RBFOX1: variants seen among roughly 807,000 people sequenced by gnomAD.
RBFOX1 encodes RNA binding fox-1 homolog 1, also known as RNA binding protein fox-1 homolog 1.
In RBFOX1, 8 loss-of-function variants were observed where a neutral mutation model predicts 57.7. That is an observed-to-expected ratio of 0.14 (90% CI 0.08 to 0.25). RBFOX1 has a LOEUF of 0.25. Among genes scored for constraint, RBFOX1 ranks in the 10% least tolerant of loss-of-function variants. The probability of loss-of-function intolerance (pLI) is 1.00; values close to 1 mark genes in which losing one functional copy is unlikely to be tolerated. For missense variants in RBFOX1, 611 were observed against 548.5 expected, an observed-to-expected ratio of 1.11 and a Z score of -1.14; for synonymous variants, 326 against 222.4, an observed-to-expected ratio of 1.47 and a Z score of -4.15.
chr16:6,856,107 C>T (rs1240582365), intron 3 of RBFOX1, among the ~76,000 whole-genome samples: 1 of 151,360 alleles, frequency 6.6e-6, no homozygotes, highest in African/African-American at 2.4e-5. Flanking sequence ...CTTCCCTTCC[C>T]TTTCTTCCCT....
chr16:7,121,820 A>G (rs960810451), intron 4 of RBFOX1, among the ~76,000 whole-genome samples: 3 of 152,026 alleles, frequency 2.0e-5, no homozygotes, highest in African/African-American at 7.2e-5. Context: ...GCAAACCAGT[A>G]AAGGAGAAGA....
Position 6,184,684 on chromosome 16 carries a change from C to T in RBFOX1, c.-126-132311C>T, listed in dbSNP as rs1261686737. Among the ~76,000 whole-genome samples the T allele has an allele frequency of 1.3e-4, 19 of 151,818 alleles. No individual in the cohort carries two copies. In the East Asian group the frequency reaches 3.1e-3, roughly 25 times the overall value. ...AAGCAATTCTCCTGCCTCACCGTCT[C>T]GAGTAGCTGGGATTACAGGTGGCTG... On this transcript the variant is annotated intron_variant, in intron 1 of 15. Coordinates refer to ENST00000550418, the MANE Select transcript of RBFOX1 (RefSeq NM_018723.4).
chr16:6,028,669 A>G (rs2095242115), intron 1 of RBFOX1, among the ~76,000 whole-genome samples: 1 of 152,142 alleles, frequency 6.6e-6, no homozygotes. Context: ...CAACAGAGCA[A>G]GACCCTATCT....
At chr16:7,237,827 G>T (rs1055356974) in intron 4 of RBFOX1, among the ~76,000 whole-genome samples, 1 of 152,110 alleles carries the variant, frequency 6.6e-6, no homozygotes, top group East Asian at 1.9e-4. Flanking sequence ...CCAACGTGGT[G>T]AAAACTCAAC....
At chr16:5,916,037 C>T (rs1026895554) in intron 4 of RBFOX1, among the ~76,000 whole-genome samples, 7 of 152,048 alleles carry the variant, frequency 4.6e-5, no homozygotes, top group Non-Finnish European at 7.4e-5. Flanking sequence ...AATGCCTGTC[C>T]CCTGGTAGCT....
At chr16:5,733,909 G>T (rs2052477186) in intron 3 of RBFOX1, among the ~76,000 whole-genome samples, 1 of 151,852 alleles carries the variant, frequency 6.6e-6, no homozygotes, top group South Asian at 2.1e-4. Flanking sequence ...CATCTATTCT[G>T]CCCTACCCCA....
chr16:5,273,007 C>G (rs536049366), intron 1 of RBFOX1, among the ~76,000 whole-genome samples: 151 of 152,276 alleles, frequency 9.9e-4, no homozygotes, highest in African/African-American at 3.5e-3. Context: ...AAACTCTTGG[C>G]TCCTGGATGC....
chr16:7,655,001 C>T (rs2065956934), intron 12 of RBFOX1, among the ~76,000 whole-genome samples: 1 of 152,196 alleles, frequency 6.6e-6, no homozygotes, highest in Non-Finnish European at 1.5e-5. Flanking sequence ...TGGCCAGTGA[C>T]TGGCTTTCTG....
chr16:6,345,272 A>T (rs112890900), intron 2 of RBFOX1, among the ~76,000 whole-genome samples: 147 of 152,290 alleles, frequency 9.7e-4, no homozygotes, highest in Non-Finnish European at 1.8e-3. Flanking sequence ...CTTTTATTGA[A>T]GCAACTGCGT....
intron 3 of RBFOX1, among the ~76,000 whole-genome samples, chr16:6,842,408 A>T (rs2141530178): frequency 6.6e-6 from 1 of 152,168 alleles, no homozygotes; most frequent in African/African-American, 2.4e-5. Flanking sequence ...AACTACTTGG[A>T]GATTATTCAC....
chr16:6,020,441 T>TGTTTAG (rs1298282029), intron 1 of RBFOX1, among the ~76,000 whole-genome samples: 33 of 151,382 alleles, frequency 2.2e-4, no homozygotes, highest in African/African-American at 8.0e-4. Flanking sequence ...CCCGGGAGGG[T>TGTTTAG]GTTTAGGTGC....
At chr16:6,289,950 A>G (rs1225742448) in intron 1 of RBFOX1, among the ~76,000 whole-genome samples, 1 of 152,172 alleles carries the variant, frequency 6.6e-6, no homozygotes, top group Non-Finnish European at 1.5e-5. Context: ...TGAAATGGAA[A>G]TGTAACAGCT....
At chr16:5,869,242 G>T (rs1297089935) in intron 4 of RBFOX1, among the ~76,000 whole-genome samples, 1 of 152,056 alleles carries the variant, frequency 6.6e-6, no homozygotes, top group Non-Finnish European at 1.5e-5. Flanking sequence ...AATATGTCCT[G>T]TTTCTCTGTG....
chr16:5,559,289 A>G (rs1027648768), intron 2 of RBFOX1, among the ~76,000 whole-genome samples: 1 of 151,528 alleles, frequency 6.6e-6, no homozygotes, highest in Non-Finnish European at 1.5e-5. Flanking sequence ...TGGTTTGTAT[A>G]TTTTTTGATT....
At chr16:7,284,363 C>T (rs2095607218) in intron 4 of RBFOX1, among the ~76,000 whole-genome samples, 1 of 152,114 alleles carries the variant, frequency 6.6e-6, no homozygotes, top group African/African-American at 2.4e-5. Flanking sequence ...TAGACTCCTG[C>T]TCTGTATCCC....
At chr16:6,495,934 C>A (rs2095756785) in intron 2 of RBFOX1, among the ~76,000 whole-genome samples, 1 of 152,190 alleles carries the variant, frequency 6.6e-6, no homozygotes, top group African/African-American at 2.4e-5. Context: ...GCTTTTCGTT[C>A]CTCCAAAGGC....
intron 2 of RBFOX1, among the ~76,000 whole-genome samples, chr16:6,553,278 A>T (rs1165506021): frequency 6.6e-6 from 1 of 152,230 alleles, no homozygotes; most frequent in Non-Finnish European, 1.5e-5. Context: ...GTTGCCACCG[A>T]TTTAGAGCAG....
chr16:5,717,857 C>A (rs1031967661), intron 3 of RBFOX1, among the ~76,000 whole-genome samples: 3 of 152,166 alleles, frequency 2.0e-5, no homozygotes, highest in Admixed American at 1.3e-4. Flanking sequence ...TATTTTTGAC[C>A]ATCTGTTTAC....
intron 4 of RBFOX1, among the ~76,000 whole-genome samples, chr16:7,397,103 G>T (rs931722953): frequency 2.0e-5 from 3 of 152,086 alleles, no homozygotes; most frequent in African/African-American, 7.2e-5. Flanking sequence ...ATTTTTTTCA[G>T]TGCATGAGTG....
Sources: allele counts gnomAD v4.1 joint callset (sites outside exome capture counted in the v4.1 genomes callset), GRCh38; gene constraint gnomAD v4.1.1; transcripts MANE v1.5; gene names NCBI Gene and HGNC (gene_info 2026-07-23, HGNC 2026-07-21).